The following SHANK2 variants were observed in gnomAD, a reference collection of about 807,000 sequenced individuals.
SHANK2 encodes SH3 and multiple ankyrin repeat domains protein 2.
Under a neutral mutation model 133.7 loss-of-function variants are expected in SHANK2, and 43 were observed. The observed-to-expected ratio is 0.32, with a 90% confidence interval of 0.25 to 0.41. SHANK2 has a LOEUF of 0.41. Among genes scored for constraint, SHANK2 ranks in the 10% least tolerant of loss-of-function variants. The pLI, the probability that SHANK2 is intolerant of heterozygous loss-of-function variation, is 1.00. For missense variants in SHANK2, 1,994 were observed against 2,235.8 expected (o/e 0.89, Z 2.18); for synonymous variants, 1,017 against 952.8 (o/e 1.07, Z -1.24).
chr11:70,759,239 A>T (rs1354621753), intron 14 of SHANK2, among the ~76,000 whole-genome samples: 2 of 151,854 alleles, frequency 1.3e-5, no homozygotes, highest in Non-Finnish European at 2.9e-5. Context: ...CACACCTGTA[A>T]TCCCAGCATT....
intron 15 of SHANK2, among the ~76,000 whole-genome samples, chr11:70,664,537 G>A (rs1219737227): frequency 6.6e-6 from 1 of 152,164 alleles, no homozygotes; most frequent in Non-Finnish European, 1.5e-5. Flanking sequence ...CTCTCCCTGG[G>A]GACACATGGG....
chr11:71,083,592 C>T (rs1392759329), intron 8 of SHANK2, among the ~76,000 whole-genome samples: 1 of 152,116 alleles, frequency 6.6e-6, no homozygotes, highest in African/African-American at 2.4e-5. Flanking sequence ...GAGAGTCCCT[C>T]ATCCCGAAGA....
chr11:70,818,736 G>A (rs915337247), intron 12 of SHANK2, among the ~76,000 whole-genome samples: 5 of 152,230 alleles, frequency 3.3e-5, no homozygotes, highest in Admixed American at 6.5e-5. Context: ...AGGCCAAAGC[G>A]TTGAGAGGAC....
At chr11:70,727,419 A>G (rs1471607910) in intron 14 of SHANK2, among the ~76,000 whole-genome samples, 1 of 152,218 alleles carries the variant, frequency 6.6e-6, no homozygotes, top group East Asian at 1.9e-4. Context: ...CCAAGTCTCC[A>G]CTGACTCTTG....
chr11:71,241,334 TA>T (rs1954888763), intron 1 of SHANK2, among the ~76,000 whole-genome samples: 1 of 152,136 alleles, frequency 6.6e-6, no homozygotes, highest in Non-Finnish European at 1.5e-5. Context: ...TGGATTTTTT[TA>T]AGTGACTATT....
intron 10 of SHANK2, among the ~76,000 whole-genome samples, chr11:70,904,510 GTTTT>G (rs11336653): frequency 1.5e-5 from 2 of 136,290 alleles, no homozygotes; most frequent in Non-Finnish European, 3.1e-5. Context: ...GATCTGATGG[GTTTT>G]TTTTTTTTTT....
intron 17 of SHANK2, among the ~76,000 whole-genome samples, chr11:70,544,314 G>C (rs2059661389): frequency 6.6e-6 from 1 of 152,200 alleles, no homozygotes; most frequent in Non-Finnish European, 1.5e-5. Flanking sequence ...GGGGAACATA[G>C]CTGTTGTGAA....
At chr11:71,065,688 T>A (rs1347261005) in intron 9 of SHANK2, among the ~76,000 whole-genome samples, 1 of 131,786 alleles carries the variant, frequency 7.6e-6, no homozygotes, top group Admixed American at 7.8e-5. Flanking sequence ...TGTGCGGAAC[T>A]CTTCCAGGGA....
rs781811402 is a variant in SHANK2 at position 71,092,634 on chromosome 11, C to T, written c.745-45G>A. 5 of 1,537,168 alleles carry T rather than the reference C, an allele frequency of 3.3e-6. 1 individual carries two copies. In the South Asian group the frequency reaches 4.8e-5, roughly 15 times the overall value. On this transcript the variant is annotated intron_variant, in intron 7 of 25. Coordinates refer to ENST00000601538, the MANE Select transcript of SHANK2 (RefSeq NM_012309.5). ...AGCCGTCGTTATTGGTCTCATGACC[C>T]CTTTTGCAGAGTGAGGTGATCCAGA... is the stretch of plus-strand genomic sequence containing the variant.
intron 14 of SHANK2, among the ~76,000 whole-genome samples, chr11:70,713,773 T>C (rs11602121): frequency 0.39 from 59,746 of 151,652 alleles, 12,114 homozygotes; most frequent in Non-Finnish European, 0.46. Context: ...CGTCATGCCT[T>C]GCCGTGTGCC....
At position 71,068,454 on chromosome 11, in the gene SHANK2, G is replaced by A. The variant is rs1295159205; in HGVS notation, c.1029+6705C>T. The stretch of plus-strand genomic sequence containing the variant: ...CAAATAAAGTGCCTTTGCTTGACAA[G>A]TTCCCCAGCAGCACAATGCAACACC... On this transcript the variant is annotated intron_variant, in intron 9 of 25. Coordinates refer to ENST00000601538, the MANE Select transcript of SHANK2 (RefSeq NM_012309.5). Among the ~76,000 whole-genome samples, 5 of 152,336 alleles carry A rather than the reference G, an allele frequency of 3.3e-5. No homozygotes were observed. The East Asian group carries it at 7.7e-4, about 23-fold the overall frequency.
At chr11:70,578,859 G>A (rs2060149396) in intron 17 of SHANK2, among the ~76,000 whole-genome samples, 1 of 152,158 alleles carries the variant, frequency 6.6e-6, no homozygotes, top group South Asian at 2.1e-4. Flanking sequence ...GGGATGCAAT[G>A]AGCCCAGAGA....
chr11:70,835,515 C>T (rs944551829), intron 11 of SHANK2, among the ~76,000 whole-genome samples: 9 of 152,246 alleles, frequency 5.9e-5, no homozygotes, highest in East Asian at 1.9e-4. Context: ...AACCAGGGGC[C>T]GAGGTGCAGG....
chr11:71,068,657 T>A (rs1190933259), intron 9 of SHANK2, among the ~76,000 whole-genome samples: 1 of 152,238 alleles, frequency 6.6e-6, no homozygotes, highest in South Asian at 2.1e-4. Context: ...CAGCTGCTGC[T>A]CTGAAGATTC....
chr11:70,714,091 T>A (rs1347855420), intron 14 of SHANK2, among the ~76,000 whole-genome samples: 1 of 152,174 alleles, frequency 6.6e-6, no homozygotes, highest in Non-Finnish European at 1.5e-5. Flanking sequence ...TCCTGGCCAA[T>A]GAGACAGGAG....
At chr11:70,770,495 C>A (rs1231428932) in intron 14 of SHANK2, among the ~76,000 whole-genome samples, 4 of 152,258 alleles carry the variant, frequency 2.6e-5, no homozygotes, top group African/African-American at 9.6e-5. Context: ...ACAGAAGCCA[C>A]TGTGCCTGGA....
chr11:71,149,159 T>C (rs72959503), intron 2 of SHANK2, among the ~76,000 whole-genome samples: 21,945 of 152,104 alleles, frequency 0.14, 2,142 homozygotes, highest in South Asian at 0.29. Flanking sequence ...CCCCAAAATA[T>C]GCTGCCTGGG....
chr11:70,844,542 C>T (rs556834332), intron 11 of SHANK2, among the ~76,000 whole-genome samples: 1 of 152,332 alleles, frequency 6.6e-6, no homozygotes, highest in South Asian at 2.1e-4. Flanking sequence ...GGGCACTGCC[C>T]TTCACTCCCC....
At chr11:70,610,682 G>A (rs1204050863) in intron 17 of SHANK2, among the ~76,000 whole-genome samples, 4 of 152,228 alleles carry the variant, frequency 2.6e-5, no homozygotes, top group Non-Finnish European at 4.4e-5. Context: ...CAGGCCCGGA[G>A]AATTCCGTGG....
Sources: gnomAD v4.1 joint callset for allele counts (sites outside exome capture counted in the v4.1 genomes callset) on GRCh38, gnomAD v4.1.1 for gene constraint, MANE v1.5 for transcripts, NCBI Gene and HGNC (gene_info 2026-07-23, HGNC 2026-07-21) for gene names.